Variants in DLG2 observed in about 807,000 individuals in gnomAD.
The protein encoded by DLG2 is discs large MAGUK scaffold protein 2.
DLG2 carries 45 observed loss-of-function variants against 132.5 expected under a neutral mutation model. The ratio of observed to expected loss-of-function variants is 0.34; its 90% CI spans 0.27 to 0.44. The LOEUF (loss-of-function observed/expected upper bound fraction) is 0.44. DLG2 is among the 20% of genes least tolerant of loss of function. DLG2 has a pLI of 1.00. For synonymous variants in DLG2, 424 were observed against 419.6 expected (o/e 1.01, Z -0.13); for missense variants, 1,045 against 1,196.9 (o/e 0.87, Z 1.87).
intron 4 of DLG2, among the ~76,000 whole-genome samples, chr11:85,211,525 G>GTA (rs2082255088): frequency 6.6e-6 from 1 of 151,986 alleles, no homozygotes; most frequent in Admixed American, 6.6e-5. Context: ...TTTTCTTCAG[G>GTA]TATATAAAGT....
At chr11:84,537,214 C>A (rs915292069) in intron 6 of DLG2, among the ~76,000 whole-genome samples, 1 of 152,134 alleles carries the variant, frequency 6.6e-6, no homozygotes, top group African/African-American at 2.4e-5. Flanking sequence ...TCGAGCAATT[C>A]TCCTGCCTCA....
chr11:84,502,166 CT>C (rs2099209463), intron 7 of DLG2, among the ~76,000 whole-genome samples: 1 of 50,446 alleles, frequency 2.0e-5, no homozygotes, highest in African/African-American at 1.6e-4. Context: ...TCCTTTCTCT[CT>C]CTCTCTCTTT....
At chr11:85,073,708 A>C (rs2066166642) in intron 6 of DLG2, among the ~76,000 whole-genome samples, 1 of 151,892 alleles carries the variant, frequency 6.6e-6, no homozygotes, top group African/African-American at 2.4e-5. Context: ...TTCAAGAAGT[A>C]GGATATTGAA....
chr11:84,106,707 G>C (rs1224620062), intron 9 of DLG2, among the ~76,000 whole-genome samples: 1 of 152,112 alleles, frequency 6.6e-6, no homozygotes, highest in Admixed American at 6.6e-5. Flanking sequence ...GGATGGTAGA[G>C]AGGAAGCAGT....
At chr11:83,830,248 C>T (rs1342113949) in intron 17 of DLG2, among the ~76,000 whole-genome samples, 1 of 152,156 alleles carries the variant, frequency 6.6e-6, no homozygotes, top group East Asian at 1.9e-4. Context: ...TCTAAGACGA[C>T]TATAATTCTG....
intron 3 of DLG2, among the ~76,000 whole-genome samples, chr11:85,358,300 ACT>A (rs1336180341): frequency 6.6e-6 from 1 of 152,010 alleles, no homozygotes; most frequent in Non-Finnish European, 1.5e-5. Flanking sequence ...CAGCTCCCTC[ACT>A]CTCTGTGTTT....
chr11:84,353,782 G>A (rs1005943683), intron 7 of DLG2, among the ~76,000 whole-genome samples: 2 of 152,130 alleles, frequency 1.3e-5, no homozygotes, highest in Non-Finnish European at 2.9e-5. Context: ...CTCTCAGAAT[G>A]CAAAGCCTGA....
chr11:83,911,192 A>G (rs905484033), intron 15 of DLG2, among the ~76,000 whole-genome samples: 1 of 152,124 alleles, frequency 6.6e-6, no homozygotes, highest in South Asian at 2.1e-4. Flanking sequence ...GTGTAGAGGA[A>G]TAGCAAGGGC....
intron 7 of DLG2, among the ~76,000 whole-genome samples, chr11:84,409,241 T>A (rs1012371539): frequency 6.6e-6 from 1 of 152,214 alleles, no homozygotes; most frequent in African/African-American, 2.4e-5. Context: ...ACCAGCCATT[T>A]AGCAATTAGG....
intron 3 of DLG2, among the ~76,000 whole-genome samples, chr11:85,430,055 G>A (rs895768017): frequency 6.6e-6 from 1 of 152,156 alleles, no homozygotes; most frequent in African/African-American, 2.4e-5. Context: ...CATGTCCTTT[G>A]TAAGGACATG....
chr11:84,506,257 A>G (rs2099240425), intron 7 of DLG2, among the ~76,000 whole-genome samples: 1 of 150,646 alleles, frequency 6.6e-6, no homozygotes, highest in African/African-American at 2.5e-5. Context: ...TTGTATTTTT[A>G]GTAGAGACGG....
intron 3 of DLG2, among the ~76,000 whole-genome samples, chr11:85,475,226 A>C (rs1283792449): frequency 1.3e-5 from 2 of 151,898 alleles, no homozygotes; most frequent in Admixed American, 6.6e-5. Context: ...ACATCAAAGT[A>C]GTAGCAAAAC....
chr11:84,206,898 A>C (rs1166036869), intron 8 of DLG2, among the ~76,000 whole-genome samples: 1 of 151,974 alleles, frequency 6.6e-6, no homozygotes, highest in African/African-American at 2.4e-5. Flanking sequence ...AATTCATATA[A>C]AATTAGGTTA....
At chr11:85,087,844 CAAAAAAAAAAA>C (rs71465019) in intron 6 of DLG2, among the ~76,000 whole-genome samples, 6 of 22,062 alleles carry the variant, frequency 2.7e-4, no homozygotes, top group Admixed American at 5.2e-4. Flanking sequence ...GACTCCGTCT[CAAAAAAAAAAA>C]AAAAAAAAAA....
chr11:84,742,636 C>A lies in DLG2; in HGVS notation c.358-207905G>T, dbSNP rs1162747321. 3.3e-5 allele frequency among the ~76,000 whole-genome samples: 5 copies of A among 152,232 alleles called. No individual in the cohort carries two copies. The East Asian group carries it at 9.6e-4, about 29-fold the overall frequency. On this transcript the variant is annotated intron_variant, in intron 6 of 27. Coordinates refer to ENST00000376104, the MANE Select transcript of DLG2 (RefSeq NM_001142699.3). Reference sequence around the variant, plus strand: ...GTTATATTTGCTACAACTGATGAACCTTTATTGAGACATCATAATCATCCG... The same window carrying A: ...GTTATATTTGCTACAACTGATGAACATTTATTGAGACATCATAATCATCCG...
chr11:85,042,816 A>C (rs2061990936), intron 6 of DLG2, among the ~76,000 whole-genome samples: 1 of 151,956 alleles, frequency 6.6e-6, no homozygotes, highest in Non-Finnish European at 1.5e-5. Context: ...AAGTCAATTA[A>C]AATTCATATG....
intron 3 of DLG2, among the ~76,000 whole-genome samples, chr11:85,399,958 G>A (rs570027302): frequency 2.6e-5 from 4 of 151,830 alleles, no homozygotes; most frequent in African/African-American, 7.2e-5. Context: ...AAGAGCTTCT[G>A]CACAGCAAAA....
chr11:83,968,096 G>A lies in DLG2; in HGVS notation c.1057-2628C>T, dbSNP rs183448170. Among the ~76,000 whole-genome samples the A allele has an allele frequency of 7.9e-4, 120 of 152,246 alleles. 1 individual carries two copies. The highest frequency in any genetic ancestry group is 7.6e-4 in the Non-Finnish European group (52 of 68,014). On this transcript the variant is annotated intron_variant, in intron 12 of 27. Transcript: ENST00000376104. ...TTTAATTACTTTCCACTGGTATAAT[G>A]TAAAATTAAAATAAATGTCCCAAAA...
chr11:85,459,592 T>G (rs934284787), intron 3 of DLG2, among the ~76,000 whole-genome samples: 3 of 152,010 alleles, frequency 2.0e-5, no homozygotes, highest in Non-Finnish European at 4.4e-5. Flanking sequence ...CCCTGCCTGG[T>G]AAAGAGTAAG....
Sources: allele counts gnomAD v4.1 joint callset (sites outside exome capture counted in the v4.1 genomes callset), GRCh38; gene constraint gnomAD v4.1.1; transcripts MANE v1.5; gene names NCBI Gene and HGNC (gene_info 2026-07-23, HGNC 2026-07-21).